The following IL1RAPL1 variants were observed in gnomAD, a reference collection of about 807,000 sequenced individuals.
IL1RAPL1 encodes the protein interleukin 1 receptor accessory protein like 1, also known as interleukin-1 receptor accessory protein-like 1.
A neutral mutation model predicts 48.4 loss-of-function variants in IL1RAPL1; 3 were observed. That is an observed-to-expected ratio of 0.06 (90% CI 0.03 to 0.16). The LOEUF (loss-of-function observed/expected upper bound fraction) is 0.16, where lower values mean the gene tolerates loss of function less well. IL1RAPL1 is among the 10% of genes least tolerant of loss of function. IL1RAPL1 has a pLI of 1.00. For missense variants in IL1RAPL1, 349 were observed against 530.6 expected (o/e 0.66, Z 3.36); for synonymous variants, 185 against 187.7 (o/e 0.99, Z 0.12).
At chrX:29,876,473 C>G (rs1323232638) in intron 6 of IL1RAPL1, among the ~76,000 whole-genome samples, 14 of 111,542 alleles carry the variant, frequency 1.3e-4, no homozygotes, top group Non-Finnish European at 2.5e-4. Context: ...TGCAGTAAAA[C>G]AGAGCAAATA....
intron 5 of IL1RAPL1, among the ~76,000 whole-genome samples, chrX:29,434,307 A>G (rs1310036701): frequency 9.1e-6 from 1 of 110,017 alleles, no homozygotes; most frequent in Admixed American, 9.7e-5. Flanking sequence ...GTAAAATGTC[A>G]TTAGGCTGAG....
Position 29,172,830 on chromosome X carries a change from T to C in IL1RAPL1, c.83-110108T>C, listed in dbSNP as rs181365948. ...AGTCATGAGAGTCTCATTGGATAAC[T>C]TTCTTCAGCAATTCATTAAACATTG... On this transcript the variant is annotated intron_variant, in intron 2 of 10. Coordinates refer to ENST00000378993, the MANE Select transcript of IL1RAPL1 (RefSeq NM_014271.4). 3.6e-5 allele frequency among the ~76,000 whole-genome samples: 4 copies of C among 111,756 alleles called. No individual in the cohort carries two copies. In the Admixed American group the frequency reaches 3.8e-4, roughly 11 times the overall value.
intron 6 of IL1RAPL1, among the ~76,000 whole-genome samples, chrX:29,783,006 G>A (rs980954065): frequency 2.2e-5 from 2 of 91,518 alleles, no homozygotes; most frequent in Non-Finnish European, 4.1e-5. Context: ...CCGGGTTCAC[G>A]CCATTCTCCT....
intron 5 of IL1RAPL1, among the ~76,000 whole-genome samples, chrX:29,608,414 T>TGGGAGAAAGAAAGGAAGAGGAAA (rs1569126282): frequency 6.0e-5 from 5 of 83,768 alleles, no homozygotes; most frequent in East Asian, 3.4e-4. Flanking sequence ...GAAGGAAGGA[T>TGGGAGAAAGAAAGGAAGAGGAAA]GGGAGAAAGA....
At chrX:29,116,036 C>G (rs183217544) in intron 2 of IL1RAPL1, among the ~76,000 whole-genome samples, 1 of 111,187 alleles carries the variant, frequency 9.0e-6, no homozygotes, top group East Asian at 2.8e-4. Flanking sequence ...AATAACTTCT[C>G]TCTCATTGTA....
intron 2 of IL1RAPL1, among the ~76,000 whole-genome samples, chrX:28,860,702 G>GC (rs1403004474): frequency 1.5e-3 from 165 of 109,775 alleles, no homozygotes; most frequent in Non-Finnish European, 2.4e-3. Context: ...CAGGTGATCC[G>GC]CCCCCCCGCT....
chrX:28,657,978 G>A (rs1934768203), intron 1 of IL1RAPL1, among the ~76,000 whole-genome samples: 1 of 112,059 alleles, frequency 8.9e-6, no homozygotes, highest in South Asian at 3.7e-4. Flanking sequence ...ATATTAGGCG[G>A]TAGTGTATTT....
At chrX:29,021,885 C>G (rs780420126) in intron 2 of IL1RAPL1, among the ~76,000 whole-genome samples, 3 of 111,799 alleles carry the variant, frequency 2.7e-5, no homozygotes, top group Non-Finnish European at 5.6e-5. Flanking sequence ...CATACACTCA[C>G]TCTTTAACTC....
chrX:28,734,250 C>T (rs753533638), intron 1 of IL1RAPL1, among the ~76,000 whole-genome samples: 1 of 111,662 alleles, frequency 9.0e-6, no homozygotes, highest in East Asian at 2.8e-4. Context: ...AAAATCCTGT[C>T]AGTCCTCACC....
chrX:29,760,555 T>A (rs184666742), intron 6 of IL1RAPL1, among the ~76,000 whole-genome samples: 134 of 112,015 alleles, frequency 1.2e-3, no homozygotes, highest in African/African-American at 4.2e-3. Context: ...TTGGGCCCCA[T>A]CACAGGTCTA....
chrX:29,217,767 T>TCG (rs763528804), intron 2 of IL1RAPL1, among the ~76,000 whole-genome samples: 4,623 of 70,949 alleles, frequency 0.065, 136 homozygotes, highest in Non-Finnish European at 0.088. Flanking sequence ...TCTCTCTCTC[T>TCG]CTCTCTCTCT....
At chrX:28,886,422 G>T (rs1480316558) in intron 2 of IL1RAPL1, among the ~76,000 whole-genome samples, 2 of 108,796 alleles carry the variant, frequency 1.8e-5, no homozygotes, top group African/African-American at 6.7e-5. Context: ...ATTGATGGAG[G>T]ATTGGTCTGT....
chrX:29,443,834 A>G (rs1934578793), intron 5 of IL1RAPL1, among the ~76,000 whole-genome samples: 1 of 111,028 alleles, frequency 9.0e-6, no homozygotes, highest in African/African-American at 3.3e-5. Flanking sequence ...ATCCTCAAGG[A>G]GCTTAGTCTA....
chrX:29,641,452 G>A (rs1925169404), intron 5 of IL1RAPL1, among the ~76,000 whole-genome samples: 1 of 112,295 alleles, frequency 8.9e-6, no homozygotes, highest in South Asian at 3.7e-4. Flanking sequence ...TACATGGCCT[G>A]GTTCCTCTTT....
chrX:29,252,189 A>G (rs375734623), intron 2 of IL1RAPL1, among the ~76,000 whole-genome samples: 4 of 112,539 alleles, frequency 3.6e-5, no homozygotes, highest in Non-Finnish European at 7.5e-5. Flanking sequence ...TGGGTGCAGC[A>G]CACCAGCATG....
At chrX:29,639,043 G>A (rs958212107) in intron 5 of IL1RAPL1, among the ~76,000 whole-genome samples, 4 of 110,570 alleles carry the variant, frequency 3.6e-5, no homozygotes, top group Non-Finnish European at 7.6e-5. Flanking sequence ...AACATTAGCT[G>A]GGCGTGGTGG....
At chrX:29,452,653 C>T (rs1934692722) in intron 5 of IL1RAPL1, among the ~76,000 whole-genome samples, 1 of 111,329 alleles carries the variant, frequency 9.0e-6, no homozygotes, top group South Asian at 3.7e-4. Context: ...ATGTTTCATT[C>T]TTGGCCATAT....
intron 5 of IL1RAPL1, among the ~76,000 whole-genome samples, chrX:29,592,594 C>A (rs1484048323): frequency 8.9e-6 from 1 of 112,003 alleles, no homozygotes; most frequent in Admixed American, 9.4e-5. Context: ...CCTCTCTTTT[C>A]ATATGAAAGT....
At chrX:29,370,379 T>C (rs771928357) in intron 3 of IL1RAPL1, among the ~76,000 whole-genome samples, 50 of 110,966 alleles carry the variant, frequency 4.5e-4, no homozygotes, top group South Asian at 3.0e-3. Context: ...GTGGTGGTGG[T>C]ATTTTAAATA....
Sources: gnomAD v4.1 joint callset for allele counts (sites outside exome capture counted in the v4.1 genomes callset) on GRCh38, gnomAD v4.1.1 for gene constraint, MANE v1.5 for transcripts, NCBI Gene and HGNC (gene_info 2026-07-23, HGNC 2026-07-21) for gene names.